The following ATP11A variants were observed in gnomAD, a reference collection of about 807,000 sequenced individuals.
ATP11A encodes phospholipid-transporting ATPase IH.
In ATP11A, 81 loss-of-function variants were observed where a neutral mutation model predicts 154.4. That is an observed-to-expected ratio of 0.52 (90% confidence interval 0.44 to 0.63). ATP11A has a LOEUF of 0.63. ATP11A is among the 30% of genes least tolerant of loss of function. The probability of loss-of-function intolerance (pLI) is 0.00; values close to 1 mark genes in which losing one functional copy is unlikely to be tolerated. For synonymous variants in ATP11A, 623 were observed against 585.9 expected (o/e 1.06, Z -0.91); for missense variants, 1,316 against 1,474.3 (o/e 0.89, Z 1.76).
Position 112,831,292 on chromosome 13 carries a change from A to G in ATP11A, c.1222-83A>G, listed in dbSNP as rs1376919725. ...ATTCAAGTCACAGTGGGAGCTGGGG[A>G]GGAAACACGGCTGCTGTGTGTCTGA... is the stretch of plus-strand genomic sequence containing the variant. On this transcript the variant is annotated intron_variant, in intron 12 of 29. Transcript: ENST00000375645. The G allele has an allele frequency of 4.8e-6, 7 of 1,466,444 alleles. No individual in the cohort carries two copies. In the African/African-American group the frequency reaches 9.7e-5, roughly 20 times the overall value. The allele number at this position is 1,466,444 out of a possible 1,614,324, so 90.8% of individuals were successfully genotyped here. A position where few individuals can be genotyped will look rare whatever the true frequency, so the allele number is the denominator to read the frequency against.
chr13:112,757,609 T>C (rs973825350), intron 1 of ATP11A, among the ~76,000 whole-genome samples: 1 of 152,208 alleles, frequency 6.6e-6, no homozygotes, highest in African/African-American at 2.4e-5. Context: ...GGACGCCCAC[T>C]CCTTTCCCAG....
chr13:112,831,347 G>T (rs962978640), intron 12 of ATP11A, 28 bp from the exon 13 acceptor site: 5 of 1,606,974 alleles, frequency 3.1e-6, no homozygotes, highest in Non-Finnish European at 4.3e-6. Context: ...CCCTCAGAGC[G>T]CCCTGACTTG....
intron 26 of ATP11A, among the ~76,000 whole-genome samples, chr13:112,873,217 G>A (rs113150238): frequency 1.8e-3 from 190 of 107,744 alleles, no homozygotes; most frequent in South Asian, 3.1e-3. Flanking sequence ...GTCTTCCTGA[G>A]TGGTGTGAGG....
intron 12 of ATP11A, among the ~76,000 whole-genome samples, chr13:112,827,776 C>G (rs2078970563): frequency 6.6e-6 from 1 of 152,260 alleles, no homozygotes; most frequent in African/African-American, 2.4e-5. Flanking sequence ...GACTTAGACT[C>G]TGGCAGATAC....
chr13:112,784,245 C>G (rs1055831297), intron 1 of ATP11A, among the ~76,000 whole-genome samples: 1 of 152,180 alleles, frequency 6.6e-6, no homozygotes, highest in Non-Finnish European at 1.5e-5. Flanking sequence ...TGTAGGCGAT[C>G]GGGTCATTGC....
chr13:112,858,370 G>A, intron 22 of ATP11A, 80 bp downstream of exon 22: 1 of 1,434,182 alleles, frequency 7.0e-7, no homozygotes. Context: ...TGAGCCACTT[G>A]ATGCCACAAG....
intron 25 of ATP11A, among the ~76,000 whole-genome samples, chr13:112,865,798 G>A (rs1289928674): frequency 6.6e-6 from 1 of 152,204 alleles, no homozygotes; most frequent in Admixed American, 6.5e-5. Flanking sequence ...TGATCTGCCC[G>A]CCTTGGCCTC....
intron 1 of ATP11A, among the ~76,000 whole-genome samples, chr13:112,725,248 C>T (rs545140613): frequency 3.9e-5 from 6 of 152,320 alleles, no homozygotes; most frequent in South Asian, 2.1e-4. Flanking sequence ...GATCATGATA[C>T]GATGTGGACC....
At position 112,690,155 on chromosome 13, in the gene ATP11A, C is replaced by A. The variant is rs1201500059; in HGVS notation, c.-262C>A. On this transcript the variant is annotated 5_prime_UTR_variant, in exon 1 of 30. Coordinates refer to ENST00000375645, the MANE Select transcript of ATP11A (RefSeq NM_015205.3). This position sits in a 1 kb window ranked among gnomAD's most constrained non-coding sequence, Gnocchi z 5.6. ...GGCGGACCGACGGGGAGAGAGAAGGCGCCAGAGCGCGCGCGCGCGGCCCCG... is the reference window on the plus strand; with the variant it reads ...GGCGGACCGACGGGGAGAGAGAAGGAGCCAGAGCGCGCGCGCGCGGCCCCG... 6.7e-6 allele frequency among the ~76,000 whole-genome samples: 1 copy of A among 148,222 alleles called. No individual in the cohort carries two copies. Among genetic ancestry groups the A allele is most frequent in the East Asian group, 2.0e-4 (1 of 5,110 alleles).
chr13:112,815,642 CATT>C (rs1171352469), intron 5 of ATP11A, among the ~76,000 whole-genome samples: 1 of 152,234 alleles, frequency 6.6e-6, no homozygotes, highest in Non-Finnish European at 1.5e-5. Flanking sequence ...GTTTTTGAAA[CATT>C]GTTGCCACTT....
chr13:112,716,500 T>G (rs549223598), intron 1 of ATP11A, among the ~76,000 whole-genome samples: 1 of 152,250 alleles, frequency 6.6e-6, no homozygotes, highest in South Asian at 2.1e-4. Context: ...AGGCATCCCC[T>G]CCGCCTCTGG....
At chr13:112,740,126 TTC>T (rs71208910) in intron 1 of ATP11A, among the ~76,000 whole-genome samples, 5,664 of 142,228 alleles carry the variant, frequency 0.04, 135 homozygotes, top group Admixed American at 0.069. Flanking sequence ...AGCATGTGAA[TTC>T]TCTCTCTCTC....
At chr13:112,810,589 C>T (rs763048608) in intron 4 of ATP11A, 30 bp from the exon 5 acceptor site, 11 of 1,580,520 alleles carry the variant, frequency 7.0e-6, no homozygotes, top group Middle Eastern at 3.3e-4. Flanking sequence ...TCCCTGCTTC[C>T]TCTCTCCCTT....
At chr13:112,704,903 G>A (rs1329833332) in intron 1 of ATP11A, among the ~76,000 whole-genome samples, 1 of 152,250 alleles carries the variant, frequency 6.6e-6, no homozygotes, top group Non-Finnish European at 1.5e-5. Flanking sequence ...ACGAAGACAT[G>A]GAAATGGCTT....
chr13:112,721,075 C>T (rs1889118697), intron 1 of ATP11A, among the ~76,000 whole-genome samples: 1 of 152,122 alleles, frequency 6.6e-6, no homozygotes. Context: ...CTGAGGGCCA[C>T]AGTTGCTGAT....
At chr13:112,749,401 C>G (rs977397408) in intron 1 of ATP11A, among the ~76,000 whole-genome samples, 2 of 152,230 alleles carry the variant, frequency 1.3e-5, no homozygotes, top group African/African-American at 2.4e-5. Context: ...AATGACTTTC[C>G]TGAATTAACT....
chr13:112,873,698 G>A, intron 27 of ATP11A, 22 bp downstream of exon 27: 1 of 1,568,778 alleles, frequency 6.4e-7, no homozygotes, highest in Non-Finnish European at 8.8e-7. Flanking sequence ...ATAAGTAGCT[G>A]ATAATCTGAT....
chr13:112,826,701 A>C lies in ATP11A; in HGVS notation c.1031A>C (p.Lys344Thr), dbSNP rs548909060. The C allele has an allele frequency of 6.2e-7, 1 of 1,614,052 alleles. No individual in the cohort carries two copies. Among genetic ancestry groups the C allele is most frequent in the Non-Finnish European group, 8.5e-7 (1 of 1,180,044 alleles). ...CACCTTCTGCTCTTGCAGTTCCTCA[A>C]GGCATTCACGGACTTCCTGGCCTTC... ...ESERQRNLFLKAFTDFLAFMV... is the reference protein window; with the variant it reads ...ESERQRNLFLTAFTDFLAFMV... The change falls in exon 12 of 30, where the codon AAG (lysine) becomes ACG (threonine). Residue 344 changes from lysine to threonine, a missense_variant. Lys to Thr is a moderately conservative substitution (Grantham distance 78, BLOSUM62 -1). This residue lies in a region of ATP11A where 876 missense variants were observed against 1,006.8 expected (regional missense o/e 0.87). Transcript: ENST00000375645.
chr13:112,702,617 C>G (rs140003413), intron 1 of ATP11A, among the ~76,000 whole-genome samples: 1 of 152,374 alleles, frequency 6.6e-6, no homozygotes, highest in East Asian at 1.9e-4. Flanking sequence ...CCGGGCTTCT[C>G]TCTCTGTGAG....
Sources: gnomAD v4.1 joint callset for allele counts (sites outside exome capture counted in the v4.1 genomes callset) on GRCh38, gnomAD v4.1.1 for gene constraint, gnomAD v4.1.1 regional missense constraint, Gnocchi (gnomAD v3.1) non-coding constraint, MANE v1.5 for transcripts, NCBI Gene and HGNC (gene_info 2026-07-23, HGNC 2026-07-21) for gene names.